LRRC36: variants seen among roughly 807,000 people sequenced by gnomAD.
LRRC36 encodes leucine rich repeat containing 36.
Under a neutral mutation model 81.1 loss-of-function variants are expected in LRRC36, and 62 were observed. That is an observed-to-expected ratio of 0.76 (90% CI 0.62 to 0.94). The LOEUF (loss-of-function observed/expected upper bound fraction) is 0.94. LRRC36 is among the 40% of genes least tolerant of loss of function. The probability of loss-of-function intolerance (pLI) is 0.00; values close to 1 mark genes in which losing one functional copy is unlikely to be tolerated. For synonymous variants in LRRC36, 334 were observed against 348.6 expected, an observed-to-expected ratio of 0.96 and a Z score of 0.47; for missense variants, 761 against 881.7, an observed-to-expected ratio of 0.86 and a Z score of 1.73.
At chr16:67,362,107 A>G in intron 5 of LRRC36, 1 of 367,300 alleles carries the variant, frequency 2.7e-6, no homozygotes, top group South Asian at 1.9e-5. Context: ...AAAAACAAAA[A>G]CAAAAACAAA....
chr16:67,363,922 T>C (rs959834000), intron 6 of LRRC36, among the ~76,000 whole-genome samples: 70 of 152,242 alleles, frequency 4.6e-4, no homozygotes, highest in African/African-American at 1.4e-3. Context: ...CACTAACCTG[T>C]TATCTAATGT....
chr16:67,334,719 A>G (rs986544903), intron 1 of LRRC36, among the ~76,000 whole-genome samples: 1 of 151,978 alleles, frequency 6.6e-6, no homozygotes, highest in Non-Finnish European at 1.5e-5. Flanking sequence ...AACCCCTGAC[A>G]ACTATCAGGT....
At chr16:67,367,498 A>T in intron 8 of LRRC36, 41 bp downstream of exon 8, 1 of 1,526,046 alleles carries the variant, frequency 6.6e-7, no homozygotes, top group Non-Finnish European at 8.9e-7. Flanking sequence ...CTTCATAGGC[A>T]TGAAGATAGA....
chr16:67,357,313 A>G (rs2038945618), intron 5 of LRRC36, among the ~76,000 whole-genome samples: 1 of 152,154 alleles, frequency 6.6e-6, no homozygotes, highest in African/African-American at 2.4e-5. Context: ...CACCTCACCA[A>G]TTTCCTTTAA....
chr16:67,381,058 T>TGG (rs1567505808), intron 12 of LRRC36, among the ~76,000 whole-genome samples: 3 of 152,012 alleles, frequency 2.0e-5, no homozygotes, highest in Non-Finnish European at 4.4e-5. Context: ...ACCCCATCTC[T>TGG]ACTAAAAATA....
chr16:67,329,013 G>A (rs570471241), intron 1 of LRRC36, among the ~76,000 whole-genome samples: 80 of 151,970 alleles, frequency 5.3e-4, no homozygotes, highest in Non-Finnish European at 8.8e-4. Flanking sequence ...CATTTCAAGC[G>A]ATTCTTCTGC....
chr16:67,373,021 A>G (rs1323941028), intron 9 of LRRC36, among the ~76,000 whole-genome samples: 1 of 152,222 alleles, frequency 6.6e-6, no homozygotes, highest in African/African-American at 2.4e-5. Flanking sequence ...TTAATCAGAC[A>G]TGCTCTAGGA....
chr16:67,370,209 A>C (rs1774390818), intron 8 of LRRC36, among the ~76,000 whole-genome samples: 1 of 152,166 alleles, frequency 6.6e-6, no homozygotes, highest in South Asian at 2.1e-4. Context: ...GATCATGTAG[A>C]TGTTTTCTTT....
chr16:67,348,218 T>C (rs541143943), intron 4 of LRRC36, among the ~76,000 whole-genome samples: 17 of 152,304 alleles, frequency 1.1e-4, no homozygotes, highest in Non-Finnish European at 2.4e-4. Context: ...CTGAAAAAAG[T>C]CAAAATCACT....
chr16:67,374,986 C>T (rs1305632796), intron 9 of LRRC36, among the ~76,000 whole-genome samples: 1 of 151,670 alleles, frequency 6.6e-6, no homozygotes, highest in Non-Finnish European at 1.5e-5. Context: ...AAAACTTAGC[C>T]GGGTGTGGTG....
At chr16:67,346,761 A>G (rs1277019472) in intron 3 of LRRC36, among the ~76,000 whole-genome samples, 1 of 152,218 alleles carries the variant, frequency 6.6e-6, no homozygotes, top group East Asian at 1.9e-4. Flanking sequence ...TTGCAACTGT[A>G]TTAGCAATAG....
At chr16:67,366,515 C>T (rs907588002) in intron 7 of LRRC36, among the ~76,000 whole-genome samples, 1 of 151,886 alleles carries the variant, frequency 6.6e-6, no homozygotes, top group Admixed American at 6.6e-5. Context: ...TTTGGGAGGC[C>T]GAGGCGGGTG....
At chr16:67,352,642 CTTATTTATTTATTTAT>C (rs140957876) in intron 5 of LRRC36, among the ~76,000 whole-genome samples, 7,246 of 142,824 alleles carry the variant, frequency 0.051, 560 homozygotes, top group African/African-American at 0.17. Flanking sequence ...AAATAAATGT[CTTATTTATTTATTTAT>C]TTATTTATTT....
chr16:67,345,452 A>G (rs1360046376), intron 2 of LRRC36, among the ~76,000 whole-genome samples: 1 of 152,174 alleles, frequency 6.6e-6, no homozygotes, highest in Non-Finnish European at 1.5e-5. Context: ...TCAGCAGAGG[A>G]AGAAAACTGT....
At chr16:67,342,801 G>T (rs117072673) in intron 2 of LRRC36, among the ~76,000 whole-genome samples, 1 of 152,156 alleles carries the variant, frequency 6.6e-6, no homozygotes, top group Non-Finnish European at 1.5e-5. Context: ...ATGCAAGATC[G>T]AGCGTGACAA....
At chr16:67,383,469 C>T (rs941622846) in intron 13 of LRRC36, among the ~76,000 whole-genome samples, 1 of 152,156 alleles carries the variant, frequency 6.6e-6, no homozygotes, top group African/African-American at 2.4e-5. Context: ...GGGCCTCATC[C>T]CACAGTTTCT....
Position 67,346,437 on chromosome 16 carries a change from TGG to T in LRRC36, c.381_382del (p.Lys129IlefsTer3), listed in dbSNP as rs1342763222. On this transcript the variant is annotated frameshift_variant, in exon 3 of 14. Transcript: ENST00000329956. LOFTEE classifies it high-confidence loss of function. ...TTTGCTGTATATACACTACAAACTC[TGG>T]AGAAATTAGGTAAGACCTTCCTTCT... The T allele has an allele frequency of 8.9e-6, 14 of 1,573,416 alleles. No homozygotes were observed. Among genetic ancestry groups the T allele is most frequent in the Non-Finnish European group, 1.1e-5 (13 of 1,153,398 alleles).
At chr16:67,340,845 C>CACATATACTCTGTAGAATATATACT (rs2038006003) in intron 1 of LRRC36, among the ~76,000 whole-genome samples, 1 of 48,722 alleles carries the variant, frequency 2.1e-5, no homozygotes, top group Non-Finnish European at 3.9e-5. Context: ...GAATATATAC[C>CACATATACTCTGTAGAATATATACT]ACATATACTC....
At chr16:67,336,423 T>G (rs985012984) in intron 1 of LRRC36, among the ~76,000 whole-genome samples, 1 of 152,222 alleles carries the variant, frequency 6.6e-6, no homozygotes, top group African/African-American at 2.4e-5. Flanking sequence ...CTTCACCATT[T>G]TGTATTCCCA....
Sources: gnomAD v4.1 joint callset for allele counts (sites outside exome capture counted in the v4.1 genomes callset) on GRCh38, gnomAD v4.1.1 for gene constraint, MANE v1.5 for transcripts, NCBI Gene and HGNC (gene_info 2026-07-23, HGNC 2026-07-21) for gene names.